Variants in EPN2 observed in about 807,000 individuals in gnomAD.
EPN2 encodes the protein epsin 2.
In EPN2, 34 loss-of-function variants were observed where a neutral mutation model predicts 61.7. That is an observed-to-expected ratio of 0.55 (90% CI 0.42 to 0.73). EPN2 has a LOEUF of 0.73. EPN2 is among the 30% of genes least tolerant of loss of function. EPN2 has a pLI of 0.00. For synonymous variants in EPN2, 349 were observed against 353.6 expected (o/e 0.99, Z 0.15); for missense variants, 714 against 839.2 (o/e 0.85, Z 1.84).
rs973891174 is a variant in EPN2 at position 19,244,242 on chromosome 17, T to C, written c.-294+6711T>C. Among the ~76,000 whole-genome samples the C allele has an allele frequency of 1.6e-4, 24 of 152,142 alleles. 1 individual carries two copies. Among genetic ancestry groups the C allele is most frequent in the African/African-American group, 5.8e-4 (24 of 41,434 alleles). ...GGGAGGCTGAGGCTGGTGGATCACT[T>C]GAGGCCAGGAGTTGGAGACCAGCAT... On this transcript the variant is annotated intron_variant, in intron 1 of 10. Coordinates refer to ENST00000314728, the MANE Select transcript of EPN2 (RefSeq NM_014964.5).
intron 10 of EPN2, among the ~76,000 whole-genome samples, chr17:19,332,889 G>T (rs1907227273): frequency 6.6e-6 from 1 of 152,246 alleles, no homozygotes; most frequent in African/African-American, 2.4e-5. Flanking sequence ...CAGGTGTTCA[G>T]CCCCAGGCTG....
chr17:19,295,575 T>A (rs564197210), intron 4 of EPN2, among the ~76,000 whole-genome samples: 1 of 152,214 alleles, frequency 6.6e-6, no homozygotes, highest in East Asian at 1.9e-4. Flanking sequence ...TTGAAGTCAA[T>A]TCCAGAAATA....
chr17:19,266,108 A>T (rs1054862623), intron 1 of EPN2, among the ~76,000 whole-genome samples: 2 of 152,156 alleles, frequency 1.3e-5, no homozygotes, highest in Non-Finnish European at 2.9e-5. Flanking sequence ...ATCAAGATTC[A>T]GAAATACCAT....
intron 7 of EPN2, among the ~76,000 whole-genome samples, chr17:19,322,461 G>A (rs1939768672): frequency 6.6e-6 from 1 of 152,112 alleles, no homozygotes; most frequent in South Asian, 2.1e-4. Flanking sequence ...AGTGGCTGGT[G>A]GGCCAGGTGC....
intron 1 of EPN2, among the ~76,000 whole-genome samples, chr17:19,238,229 C>T (rs916217222): frequency 2.0e-5 from 3 of 152,218 alleles, no homozygotes; most frequent in Admixed American, 6.5e-5. Context: ...CGGTCCTGCT[C>T]GGCTGATCCG....
intron 7 of EPN2, among the ~76,000 whole-genome samples, chr17:19,323,273 A>T (rs1422959660): frequency 7.2e-5 from 11 of 152,222 alleles, no homozygotes; most frequent in African/African-American, 1.9e-4. Context: ...AGGGCCGGAG[A>T]GGCCCAGAAG....
intron 4 of EPN2, chr17:19,307,878 A>G (rs1905928931): frequency 1.0e-6 from 1 of 983,914 alleles, no homozygotes; most frequent in Admixed American, 6.2e-5. Context: ...CACCATAGCC[A>G]TGGCCCAGCT....
chr17:19,245,063 C>T (rs969369677), intron 1 of EPN2, among the ~76,000 whole-genome samples: 1 of 152,132 alleles, frequency 6.6e-6, no homozygotes, highest in Non-Finnish European at 1.5e-5. Context: ...TGGCCAGTGG[C>T]TGGCTGGACC....
At chr17:19,237,693 C>T (rs2044830145) in intron 1 of EPN2, among the ~76,000 whole-genome samples, 162 bp downstream of exon 1, 1 of 152,126 alleles carries the variant, frequency 6.6e-6, no homozygotes, top group African/African-American at 2.4e-5. Flanking sequence ...ACGCCAGGCT[C>T]TGGGGGATCC....
intron 4 of EPN2, among the ~76,000 whole-genome samples, chr17:19,309,614 G>A (rs1906018625): frequency 6.6e-6 from 1 of 152,208 alleles, no homozygotes; most frequent in South Asian, 2.1e-4. Context: ...ATCCTTGTGA[G>A]GCCTGATGGC....
intron 7 of EPN2, among the ~76,000 whole-genome samples, chr17:19,321,511 T>C (rs899373490): frequency 6.6e-6 from 1 of 152,168 alleles, no homozygotes; most frequent in Non-Finnish European, 1.5e-5. Context: ...CTTTTGAGAC[T>C]GACTGGAAGT....
chr17:19,315,722 T>G (rs1183864305), intron 7 of EPN2, among the ~76,000 whole-genome samples: 1 of 152,146 alleles, frequency 6.6e-6, no homozygotes, highest in Non-Finnish European at 1.5e-5. Flanking sequence ...TGACCTTAAG[T>G]GATCCGCTTG....
At chr17:19,241,240 G>T (rs574244696) in intron 1 of EPN2, among the ~76,000 whole-genome samples, 1 of 152,144 alleles carries the variant, frequency 6.6e-6, no homozygotes, top group Non-Finnish European at 1.5e-5. Flanking sequence ...TTTGTTTTTT[G>T]TCAGATGCAT....
chr17:19,264,844 G>A (rs1431447002), intron 1 of EPN2, among the ~76,000 whole-genome samples: 1 of 152,136 alleles, frequency 6.6e-6, no homozygotes, highest in African/African-American at 2.4e-5. Flanking sequence ...GGAGACAGTC[G>A]GGGTCTCTGT....
chr17:19,286,189 A>G (rs1430702130), intron 4 of EPN2, among the ~76,000 whole-genome samples: 1 of 152,190 alleles, frequency 6.6e-6, no homozygotes, highest in Admixed American at 6.5e-5. Flanking sequence ...ACCTCACAAC[A>G]CCAGACAAAT....
intron 4 of EPN2, among the ~76,000 whole-genome samples, chr17:19,301,443 C>G (rs922223517): frequency 1.3e-5 from 2 of 152,220 alleles, no homozygotes; most frequent in Admixed American, 1.3e-4. Flanking sequence ...GCATGACACA[C>G]TAGCTGATTC....
At chr17:19,291,108 G>A (rs1286391680) in intron 4 of EPN2, among the ~76,000 whole-genome samples, 1 of 152,174 alleles carries the variant, frequency 6.6e-6, no homozygotes, top group Non-Finnish European at 1.5e-5. Context: ...GGATTCAATA[G>A]ATACCAGAAG....
At chr17:19,308,819 C>T (rs954830128) in intron 4 of EPN2, among the ~76,000 whole-genome samples, 3 of 152,194 alleles carry the variant, frequency 2.0e-5, no homozygotes, top group Admixed American at 6.5e-5. Flanking sequence ...ATTCCCTGAT[C>T]GTGAAACATC....
intron 4 of EPN2, among the ~76,000 whole-genome samples, chr17:19,305,747 C>T (rs560669861): frequency 1.3e-4 from 20 of 152,290 alleles, no homozygotes; most frequent in African/African-American, 4.8e-4. Flanking sequence ...CGGGCAGTCC[C>T]TGGAGCAGAC....
Sources: allele counts gnomAD v4.1 joint callset (sites outside exome capture counted in the v4.1 genomes callset), GRCh38; gene constraint gnomAD v4.1.1; transcripts MANE v1.5; gene names NCBI Gene and HGNC (gene_info 2026-07-23, HGNC 2026-07-21).